The following FAM163A variants were observed in gnomAD, a reference collection of about 807,000 sequenced individuals.
FAM163A encodes protein FAM163A.
FAM163A carries 7 observed loss-of-function variants against 12.0 expected under a neutral mutation model. That is an observed-to-expected ratio of 0.58 (90% confidence interval 0.33 to 1.10). FAM163A has a LOEUF of 1.10. FAM163A is among the 50% of genes least tolerant of loss of function. FAM163A has a pLI of 0.03. For synonymous variants in FAM163A, 101 were observed against 91.0 expected (o/e 1.11, Z -0.62); for missense variants, 202 against 218.6 (o/e 0.92, Z 0.48).
intron 1 of FAM163A, among the ~76,000 whole-genome samples, chr1:179,790,218 CTTTTTTTTTTT>C (rs1168192716): frequency 9.8e-5 from 9 of 91,670 alleles, no homozygotes; most frequent in East Asian, 3.3e-4. Flanking sequence ...AGCTGACTTC[CTTTTTTTTTTT>C]TTTTTTTTTT....
intron 1 of FAM163A, among the ~76,000 whole-genome samples, chr1:179,800,335 C>T (rs1692981690): frequency 6.6e-6 from 1 of 152,242 alleles, no homozygotes; most frequent in Non-Finnish European, 1.5e-5. Context: ...AAGGGGTACG[C>T]TCAGCCTTGC....
chr1:179,728,875 C>T, the FAM163A span, among the ~76,000 whole-genome samples: 6 of 152,116 alleles, frequency 3.9e-5, no homozygotes, highest in Admixed American at 2.0e-4. Context: ...GCTCACTCCC[C>T]GAGACATCGA....
At chr1:179,781,301 CTT>C (rs2148178910) in intron 1 of FAM163A, among the ~76,000 whole-genome samples, 1 of 152,204 alleles carries the variant, frequency 6.6e-6, no homozygotes, top group African/African-American at 2.4e-5. Context: ...CAGTGTGAAT[CTT>C]ATATGAATTT....
rs1251265523 is a variant in FAM163A at position 179,815,901 on chromosome 1, G to A, written c.*1712G>A. 6.6e-6 allele frequency: 1 copy of A among 152,214 alleles called. No individual in the cohort carries two copies. The highest frequency in any genetic ancestry group is 1.5e-5 in the Non-Finnish European group (1 of 68,058). 9.4% of individuals were successfully genotyped at this position (152,214 alleles called of 1,614,324 possible). A position where few individuals can be genotyped will look rare whatever the true frequency, so the allele number is the denominator to read the frequency against. On this transcript the variant is annotated 3_prime_UTR_variant, in exon 5 of 5. Coordinates refer to ENST00000341785, the MANE Select transcript of FAM163A (RefSeq NM_173509.3). ...TCTCAATCTGGAATCAAAGTGCCCT[G>A]GGTTGAGAAGCAGACCTGGGCTCTG...
chr1:179,812,742 G>A (rs1052871453), intron 3 of FAM163A, among the ~76,000 whole-genome samples: 1 of 152,220 alleles, frequency 6.6e-6, no homozygotes, highest in Non-Finnish European at 1.5e-5. Context: ...GAGGAGCCCC[G>A]CAATCAGCGG....
At chr1:179,734,293 T>G in the FAM163A span, among the ~76,000 whole-genome samples, 2 of 152,220 alleles carry the variant, frequency 1.3e-5, no homozygotes, top group Non-Finnish European at 2.9e-5. Flanking sequence ...ATCTGGCTCC[T>G]GACTAGAGAA....
At chr1:179,747,674 TC>T (rs1488556361) in intron 1 of FAM163A, among the ~76,000 whole-genome samples, 24 of 152,360 alleles carry the variant, frequency 1.6e-4, no homozygotes, top group Non-Finnish European at 2.8e-4. Flanking sequence ...TTTTCCATTC[TC>T]TACGCAGTAA....
At chr1:179,781,440 T>A (rs1160227637) in intron 1 of FAM163A, among the ~76,000 whole-genome samples, 1 of 151,056 alleles carries the variant, frequency 6.6e-6, no homozygotes, top group Non-Finnish European at 1.5e-5. Context: ...CCTCACAGAG[T>A]TCTCGGTTGG....
chr1:179,751,964 C>G (rs930095311), intron 1 of FAM163A, among the ~76,000 whole-genome samples: 21 of 152,134 alleles, frequency 1.4e-4, no homozygotes, highest in Admixed American at 6.5e-4. Flanking sequence ...CCCTAAAATT[C>G]ATATGGAACC....
At position 179,805,602 on chromosome 1, in the gene FAM163A, C is replaced by T. The variant is rs983127282; in HGVS notation, c.-135-2196C>T. ...AGTAATGAAACGCTCTTACTCTGAC[C>T]GCATTGTTTTTCTCCTTTCTTCCAG... On this transcript the variant is annotated intron_variant, in intron 1 of 4. Coordinates refer to ENST00000341785, the MANE Select transcript of FAM163A (RefSeq NM_173509.3). Among the ~76,000 whole-genome samples the T allele has an allele frequency of 1.1e-4, 16 of 152,144 alleles. No homozygotes were observed. In the Middle Eastern group the frequency reaches 0.01, roughly 98 times the overall value.
At chr1:179,748,212 C>T (rs762447637) in intron 1 of FAM163A, among the ~76,000 whole-genome samples, 2 of 152,216 alleles carry the variant, frequency 1.3e-5, no homozygotes, top group Non-Finnish European at 2.9e-5. Context: ...GGGCTCACCT[C>T]TGACTCCGTT....
At position 179,814,078 on chromosome 1, in the gene FAM163A, G is replaced by C; in HGVS notation, c.393G>C (p.Glu131Asp). 1 of 1,614,124 alleles carries C rather than the reference G, an allele frequency of 6.2e-7. No homozygotes were observed. Among genetic ancestry groups the C allele is most frequent in the Non-Finnish European group, 8.5e-7 (1 of 1,179,990 alleles). The change falls in exon 5 of 5, where the codon GAG becomes GAC. Residue 131 changes from glutamate to aspartate, a missense_variant. Glu to Asp is a conservative substitution (Grantham distance 45). Coordinates refer to ENST00000341785, the MANE Select transcript of FAM163A (RefSeq NM_173509.3). ...CCTTTGCTCCCACATACTACAAAGA[G>C]GGGGGACCCCCATCCCTCAAATTGG... ...RLSFAPTYYK[E>D]GGPPSLKLAA...
the FAM163A span, among the ~76,000 whole-genome samples, chr1:179,730,714 G>A: frequency 2.0e-5 from 3 of 152,008 alleles, no homozygotes; most frequent in African/African-American, 7.2e-5. Context: ...CTTTTTATAT[G>A]CAAAAAAGCA....
At chr1:179,754,174 T>C (rs1001242746) in intron 1 of FAM163A, among the ~76,000 whole-genome samples, 2 of 152,128 alleles carry the variant, frequency 1.3e-5, no homozygotes, top group Non-Finnish European at 2.9e-5. Context: ...GACTCAGTGC[T>C]GAAGGATTTG....
At chr1:179,783,531 T>C (rs905883136) in intron 1 of FAM163A, among the ~76,000 whole-genome samples, 9 of 151,726 alleles carry the variant, frequency 5.9e-5, no homozygotes, top group African/African-American at 2.2e-4. Flanking sequence ...GACATCCTGA[T>C]GAAATAATAG....
intron 1 of FAM163A, among the ~76,000 whole-genome samples, chr1:179,799,252 A>G (rs1267936755): frequency 4.6e-5 from 7 of 152,266 alleles, no homozygotes; most frequent in Non-Finnish European, 1.0e-4. Context: ...CCCTCTAAAC[A>G]ATCAAGGACA....
chr1:179,766,154 A>G (rs2318392), intron 1 of FAM163A, among the ~76,000 whole-genome samples: 15,476 of 152,202 alleles, frequency 0.1, 914 homozygotes, highest in Non-Finnish European at 0.13. Flanking sequence ...TTTTGCCCCA[A>G]GTCCAGCCAT....
At chr1:179,763,387 C>T (rs535098315) in intron 1 of FAM163A, among the ~76,000 whole-genome samples, 95 of 152,294 alleles carry the variant, frequency 6.2e-4, no homozygotes, top group African/African-American at 2.2e-3. Context: ...TGGCATGGCA[C>T]GTTCTGGTCT....
intron 1 of FAM163A, among the ~76,000 whole-genome samples, chr1:179,780,896 T>C (rs888238200): frequency 6.6e-6 from 1 of 152,196 alleles, no homozygotes; most frequent in Non-Finnish European, 1.5e-5. Context: ...GTTCTCATCA[T>C]TTTGGTGTTG....
Sources: allele counts gnomAD v4.1 joint callset (sites outside exome capture counted in the v4.1 genomes callset), GRCh38; gene constraint gnomAD v4.1.1; transcripts MANE v1.5; gene names NCBI Gene and HGNC (gene_info 2026-07-23, HGNC 2026-07-21).